The following EXD1 variants were observed in gnomAD, a reference collection of about 807,000 sequenced individuals.
EXD1 encodes piRNA biogenesis protein EXD1.
Under a neutral mutation model 49.1 loss-of-function variants are expected in EXD1, and 63 were observed. The ratio of observed to expected loss-of-function variants is 1.28; its 90% confidence interval spans 1.05 to 1.58. The LOEUF (loss-of-function observed/expected upper bound fraction) is 1.58, where lower values mean the gene tolerates loss of function less well. Ranked by LOEUF, EXD1 falls within the 40% of genes most tolerant of loss-of-function variation. The probability of loss-of-function intolerance (pLI) is 0.00; values close to 1 mark genes in which losing one functional copy is unlikely to be tolerated. For missense variants in EXD1, 748 were observed against 666.0 expected, an observed-to-expected ratio of 1.12 and a Z score of -1.36; for synonymous variants, 234 against 239.2, an observed-to-expected ratio of 0.98 and a Z score of 0.20.
rs753101344 is a variant in EXD1, at chr15:41,227,507, T to C, written c.-53-879A>G. Among the ~76,000 whole-genome samples the C allele has an allele frequency of 5.3e-5, 8 of 151,536 alleles. No individual in the cohort carries two copies. The South Asian group carries it at 1.5e-3, about 28-fold the overall frequency. ...CAACATGGAGAAACCCTGTCTTTAC[T>C]AAAAATACAAAATTAGCCGGGTGTG... On this transcript the variant is annotated intron_variant, in intron 1 of 11. Transcript: ENST00000458580.
rs201880604 is a variant in EXD1, at chr15:41,184,470, G to A, written c.1180C>T (p.Gln394Ter). The A allele has an allele frequency of 1.1e-5, 18 of 1,613,914 alleles. No homozygotes were observed. The highest frequency in any genetic ancestry group is 1.3e-5 in the African/African-American group (1 of 74,856). The part of the protein sequence containing the change: ...AQGLLIRTVL[Q>*]PKKLVTETAG... The stretch of plus-strand genomic sequence containing the variant: ...GTCTCTGTCACTAATTTCTTTGGCT[G>A]TAGCACTGTCCTTATCAGGAGTCCC... Residue 394 changes from glutamine (Q) to a stop codon, truncating the protein, a stop_gained, in exon 12 of 12, where the codon CAG (glutamine) becomes TAG (stop). Coordinates refer to ENST00000458580, the MANE Select transcript of EXD1 (RefSeq NM_001286441.2). LOFTEE classifies it low-confidence loss of function (END_TRUNC).
rs2140915690 is a variant in EXD1 at position 41,230,694 on chromosome 15, C to T, written c.-269G>A. The T allele has an allele frequency of 1.3e-6, 1 of 795,868 alleles. No individual in the cohort carries two copies. The highest frequency in any genetic ancestry group is 2.0e-6 in the Non-Finnish European group (1 of 512,044). 49.3% of individuals were successfully genotyped at this position (795,868 alleles called of 1,614,324 possible). Reference sequence around the variant, plus strand: ...ACAGGCTGAAAACCTGGAGAAAGGTCCGCGACGCCGGGGACACACGCCGCA... The same window carrying T: ...ACAGGCTGAAAACCTGGAGAAAGGTTCGCGACGCCGGGGACACACGCCGCA... On this transcript the variant is annotated 5_prime_UTR_variant, in exon 1 of 12. Coordinates refer to ENST00000458580, the MANE Select transcript of EXD1 (RefSeq NM_001286441.2).
At chr15:41,220,548 G>A (rs951091559) in intron 2 of EXD1, among the ~76,000 whole-genome samples, 4 of 152,084 alleles carry the variant, frequency 2.6e-5, no homozygotes, top group Admixed American at 1.3e-4. Flanking sequence ...GTGAGCCACC[G>A]CACCCGGCCA....
At chr15:41,189,489 C>T (rs2046470487) in intron 11 of EXD1, among the ~76,000 whole-genome samples, 1 of 151,328 alleles carries the variant, frequency 6.6e-6, no homozygotes, top group African/African-American at 2.4e-5. Context: ...TGGTGAAACC[C>T]CATTTCTACT....
chr15:41,184,183 CA>C lies in EXD1; in HGVS notation c.1466del (p.Met489ArgfsTer13), dbSNP rs1349832754. 6.2e-7 allele frequency: 1 copy of C among 1,614,192 alleles called. No individual in the cohort carries two copies. Among genetic ancestry groups the C allele is most frequent in the South Asian group, 1.1e-5 (1 of 91,074 alleles). On this transcript the variant is annotated frameshift_variant, in exon 12 of 12. Coordinates refer to ENST00000458580, the MANE Select transcript of EXD1 (RefSeq NM_001286441.2). LOFTEE classifies it low-confidence loss of function (END_TRUNC). ...DQRITQKEHF[M>X]TPKHEFQASL... ...TTGCCTGAAACTCATGTTTGGGTGT[CA>C]TAAAGTGTTCTTTCTGAGTTATTCT...
chr15:41,207,128 C>G (rs1490907620), intron 7 of EXD1, among the ~76,000 whole-genome samples: 1 of 151,132 alleles, frequency 6.6e-6, no homozygotes, highest in East Asian at 2.0e-4. Flanking sequence ...GTAGTCCCAG[C>G]TACTCGGGAG....
At chr15:41,215,378 C>A (rs924244849) in intron 6 of EXD1, among the ~76,000 whole-genome samples, 2 of 152,034 alleles carry the variant, frequency 1.3e-5, no homozygotes, top group Non-Finnish European at 2.9e-5. Context: ...GAAAAAAAAT[C>A]AAAAATCTTA....
chr15:41,196,005 G>A lies in EXD1; in HGVS notation c.567C>T (p.Asp189=), dbSNP rs529759516. ...AAGCTCGACTTCCCAGAAGGAAAAT[G>A]TCAAATAAGTAAACTCGGCAATTTG... is the stretch of plus-strand genomic sequence containing the variant. ...VATNCRVYLF[D]IFLLGSRAFH... Residue 189 remains aspartate (D), a synonymous_variant, in exon 8 of 12, where the codon GAC becomes GAT. Transcript: ENST00000458580. 1 of 1,613,260 alleles carries A rather than the reference G, an allele frequency of 6.2e-7. No individual in the cohort carries two copies. Among genetic ancestry groups the A allele is most frequent in the African/African-American group, 1.3e-5 (1 of 75,032 alleles).
In EXD1 at chr15:41,184,302, G is replaced by A; in HGVS notation, c.1348C>T (p.Pro450Ser). The A allele has an allele frequency of 3.1e-6, 5 of 1,614,176 alleles. No homozygotes were observed. Among genetic ancestry groups the A allele is most frequent in the Non-Finnish European group, 4.2e-6 (5 of 1,180,038 alleles). Residue 450 changes from proline to serine, a missense_variant, in exon 12 of 12, where the codon CCT (proline) becomes TCT (serine). Coordinates refer to ENST00000458580, the MANE Select transcript of EXD1 (RefSeq NM_001286441.2). The stretch of plus-strand genomic sequence containing the variant: ...TCCTCTGTGGGAGGTAGATGTTGAG[G>A]ATTTGTAGCTTGTTTATTCAAAGAT... ...EESLNKQATN[P>S]QHLPPTEEGE... is the part of the protein sequence containing the mutation.
At position 41,230,575 on chromosome 15, in the gene EXD1, C is replaced by A; in HGVS notation, c.-150G>T. 1 of 1,612,526 alleles carries A rather than the reference C, an allele frequency of 6.2e-7. No individual in the cohort carries two copies. Among genetic ancestry groups the A allele is most frequent in the South Asian group, 1.1e-5 (1 of 91,002 alleles). On this transcript the variant is annotated 5_prime_UTR_variant, in exon 1 of 12. Transcript: ENST00000458580. Reference sequence around the variant, plus strand: ...CCTAATTTCAGCCAAGTGGTGCGTTCCTCGAACTTCAGTCTAGAACTAAAA... The same window carrying A: ...CCTAATTTCAGCCAAGTGGTGCGTTACTCGAACTTCAGTCTAGAACTAAAA...
At chr15:41,221,873 G>C (rs138103771) in intron 2 of EXD1, among the ~76,000 whole-genome samples, 1 of 151,808 alleles carries the variant, frequency 6.6e-6, no homozygotes, top group Non-Finnish European at 1.5e-5. Flanking sequence ...AGGCTGAGGC[G>C]GGTGGATCAT....
chr15:41,190,256 CA>C, intron 10 of EXD1, 128 bp from the exon 11 acceptor site: 1 of 951,626 alleles, frequency 1.1e-6, no homozygotes, highest in Non-Finnish European at 1.6e-6. Flanking sequence ...AGGCGGATCA[CA>C]AGGTCAAGAC....
In EXD1 at chr15:41,186,890, T is replaced by TC. The variant is rs1311482805; in HGVS notation, c.1057-2298_1057-2297insG. ...CCTGGGTTCAAGCGATTCTTTTTTT[T>TC]TTTCTTTTTTTTTTTTTTGAGATGG... is the stretch of plus-strand genomic sequence containing the variant. On this transcript the variant is annotated intron_variant, in intron 11 of 11. Transcript: ENST00000458580. Among the ~76,000 whole-genome samples the TC allele has an allele frequency of 1.2e-3, 186 of 148,822 alleles. 1 individual carries two copies. Among genetic ancestry groups the TC allele is most frequent in the African/African-American group, 4.5e-3 (182 of 40,066 alleles).
At chr15:41,211,032 T>A (rs1052452961) in intron 6 of EXD1, among the ~76,000 whole-genome samples, 3 of 152,158 alleles carry the variant, frequency 2.0e-5, no homozygotes, top group Non-Finnish European at 4.4e-5. Context: ...TAATTACCTC[T>A]TCAAACTTCC....
chr15:41,188,848 G>T (rs531714131), intron 11 of EXD1, among the ~76,000 whole-genome samples: 1 of 140,822 alleles, frequency 7.1e-6, no homozygotes, highest in Admixed American at 7.4e-5. Context: ...TGTCACCCAG[G>T]CTGGAGTACA....
At position 41,226,486 on chromosome 15, in the gene EXD1, C is replaced by T; in HGVS notation, c.90G>A (p.Val30=). 1.3e-6 allele frequency: 2 copies of T among 1,536,072 alleles called. No individual in the cohort carries two copies. Among genetic ancestry groups the T allele is most frequent in the South Asian group, 2.4e-5 (2 of 84,050 alleles). ...TCTTATTAGGGTCAACATGCTGAAG[C>T]ACACCCTCGAAGACACCACAGACCA... ...LTLVCGVFEG[V]LQHVDPNKIV... Residue 30 remains valine (V), a synonymous_variant, in exon 2 of 12, where the codon GTG becomes GTA. Coordinates refer to ENST00000458580, the MANE Select transcript of EXD1 (RefSeq NM_001286441.2).
At chr15:41,209,231 C>A (rs2046883302) in intron 7 of EXD1, among the ~76,000 whole-genome samples, 1 of 152,028 alleles carries the variant, frequency 6.6e-6, no homozygotes, top group African/African-American at 2.4e-5. Context: ...TGAGATCAGC[C>A]TGGGCAACAC....
intron 7 of EXD1, among the ~76,000 whole-genome samples, chr15:41,204,417 G>A (rs2046790645): frequency 6.6e-6 from 1 of 151,846 alleles, no homozygotes; most frequent in South Asian, 2.1e-4. Flanking sequence ...CGGGCATGGT[G>A]GTGGGCACCT....
intron 1 of EXD1, among the ~76,000 whole-genome samples, chr15:41,228,766 T>A (rs913653015): frequency 6.6e-6 from 1 of 152,192 alleles, no homozygotes; most frequent in Non-Finnish European, 1.5e-5. Flanking sequence ...TACCGCTATC[T>A]TGGCTCACTG....
Sources: allele counts gnomAD v4.1 joint callset (sites outside exome capture counted in the v4.1 genomes callset), GRCh38; gene constraint gnomAD v4.1.1; transcripts MANE v1.5; gene names NCBI Gene and HGNC (gene_info 2026-07-23, HGNC 2026-07-21).